ACTR3B: variants seen among roughly 807,000 people sequenced by gnomAD.
ACTR3B encodes actin-related protein 3B.
Under a neutral mutation model 59.0 loss-of-function variants are expected in ACTR3B, and 8 were observed. The observed-to-expected ratio is 0.14, with a 90% CI of 0.08 to 0.24. The LOEUF is 0.24. Among genes scored for constraint, ACTR3B ranks in the 10% least tolerant of loss-of-function variants. ACTR3B has a pLI of 1.00. For synonymous variants in ACTR3B, 148 were observed against 197.9 expected, an observed-to-expected ratio of 0.75 and a Z score of 2.12; for missense variants, 245 against 552.3, an observed-to-expected ratio of 0.44 and a Z score of 5.58.
At chr7:152,788,403 G>A in intron 2 of ACTR3B, among the ~76,000 whole-genome samples, 1 of 147,494 alleles carries the variant, frequency 6.8e-6, no homozygotes, top group East Asian at 2.0e-4. Flanking sequence ...GTGTTCTAAT[G>A]TTCTAAAGTT....
chr7:152,768,173 A>G lies in ACTR3B; in HGVS notation c.44+8247A>G, dbSNP rs571023073. ...GGGAGGCGGAGGTTGCAGTGAGCTG[A>G]GATTGAGCCACTGTACTCCAGCCTG... On this transcript the variant is annotated intron_variant, in intron 1 of 11. Coordinates refer to ENST00000256001, the MANE Select transcript of ACTR3B (RefSeq NM_020445.6). 2.8e-3 allele frequency among the ~76,000 whole-genome samples: 427 copies of G among 152,362 alleles called. 2 individuals carry two copies. The highest frequency in any genetic ancestry group is 9.8e-3 in the African/African-American group (408 of 41,586).
At chr7:152,830,775 G>T (rs933293603) in intron 9 of ACTR3B, among the ~76,000 whole-genome samples, 2 of 152,046 alleles carry the variant, frequency 1.3e-5, no homozygotes, top group African/African-American at 4.8e-5. Context: ...GGTCTTAAAC[G>T]CCTGGCCTCA....
At chr7:152,840,414 C>T (rs1233900020) in intron 9 of ACTR3B, among the ~76,000 whole-genome samples, 14 of 152,318 alleles carry the variant, frequency 9.2e-5, no homozygotes, top group East Asian at 1.9e-4. Context: ...CTCAGACCTG[C>T]GAGCGGCCTG....
intron 2 of ACTR3B, among the ~76,000 whole-genome samples, chr7:152,796,996 G>A (rs2098219620): frequency 6.7e-6 from 1 of 148,726 alleles, no homozygotes; most frequent in African/African-American, 2.5e-5. Context: ...GGGATTACAG[G>A]TGTGAGCCAC....
intron 2 of ACTR3B, among the ~76,000 whole-genome samples, chr7:152,785,546 C>A (rs1409365903): frequency 7.2e-6 from 1 of 137,980 alleles, no homozygotes; most frequent in Non-Finnish European, 1.6e-5. Flanking sequence ...CAAGAGGGGC[C>A]CCAGGAGTCA....
chr7:152,774,099 T>C (rs2098130769), intron 1 of ACTR3B, among the ~76,000 whole-genome samples: 1 of 152,188 alleles, frequency 6.6e-6, no homozygotes, highest in Non-Finnish European at 1.5e-5. Context: ...CCTTTTCTTT[T>C]CTCCACATCC....
In ACTR3B at chr7:152,759,869, C is replaced by G. The variant is rs766161710; in HGVS notation, c.-14C>G. Reference sequence around the variant, plus strand: ...TCGGGCTGCCGGCGGGGCCGAGCGCCGCGCGTCCCGAGCATGGCAGGCTCC... The same window carrying G: ...TCGGGCTGCCGGCGGGGCCGAGCGCGGCGCGTCCCGAGCATGGCAGGCTCC... On this transcript the variant is annotated 5_prime_UTR_variant, in exon 1 of 12. Transcript: ENST00000256001. 33 of 1,318,940 alleles carry G rather than the reference C, an allele frequency of 2.5e-5. No individual in the cohort carries two copies. The highest frequency in any genetic ancestry group is 2.9e-5 in the Non-Finnish European group (30 of 1,025,514). The allele number at this position is 1,318,940 out of a possible 1,614,324, so 81.7% of individuals were successfully genotyped here.
intron 4 of ACTR3B, among the ~76,000 whole-genome samples, chr7:152,802,721 A>AT (rs1027741053): frequency 3.3e-5 from 5 of 151,798 alleles, no homozygotes; most frequent in African/African-American, 7.3e-5. Flanking sequence ...TTAGGTTTGG[A>AT]TTTTTTTTCA....
intron 6 of ACTR3B, among the ~76,000 whole-genome samples, chr7:152,819,611 C>T (rs1795991095): frequency 6.6e-6 from 1 of 152,188 alleles, no homozygotes; most frequent in Non-Finnish European, 1.5e-5. Flanking sequence ...CGGCCCAGGG[C>T]GTGGTCACCC....
chr7:152,772,252 C>T (rs2098125841), intron 1 of ACTR3B, among the ~76,000 whole-genome samples: 1 of 151,020 alleles, frequency 6.6e-6, no homozygotes, highest in South Asian at 2.1e-4. Flanking sequence ...GGCACAGTGG[C>T]TAATGCCTGT....
intron 6 of ACTR3B, among the ~76,000 whole-genome samples, chr7:152,818,456 CT>C (rs11295800): frequency 0.59 from 88,687 of 150,528 alleles, 27,412 homozygotes; most frequent in East Asian, 0.75. Flanking sequence ...AGCTCTTTTT[CT>C]TTTTTTTTTG....
intron 4 of ACTR3B, among the ~76,000 whole-genome samples, chr7:152,803,048 T>C (rs1366566710): frequency 6.6e-6 from 1 of 152,174 alleles, no homozygotes; most frequent in Non-Finnish European, 1.5e-5. Context: ...TGTTTTGCTC[T>C]GTATTTTATT....
chr7:152,822,625 T>C (rs1196564711), intron 7 of ACTR3B, among the ~76,000 whole-genome samples: 1 of 152,226 alleles, frequency 6.6e-6, no homozygotes, highest in African/African-American at 2.4e-5. Flanking sequence ...TGGTTGCTTA[T>C]TGTTTTCTGA....
chr7:152,800,372 T>G (rs1389854838), intron 2 of ACTR3B, among the ~76,000 whole-genome samples, 159 bp from the exon 3 acceptor site: 2 of 152,306 alleles, frequency 1.3e-5, no homozygotes, highest in African/African-American at 4.8e-5. Flanking sequence ...TATTATTTTA[T>G]GTACTCATTG....
chr7:152,821,026 C>T (rs1437183065), intron 7 of ACTR3B, among the ~76,000 whole-genome samples: 1 of 152,104 alleles, frequency 6.6e-6, no homozygotes, highest in Non-Finnish European at 1.5e-5. Context: ...GAGATGATTC[C>T]CGAGGTGTTT....
intron 4 of ACTR3B, among the ~76,000 whole-genome samples, chr7:152,804,986 C>T (rs11760940): frequency 0.53 from 80,130 of 151,912 alleles, 23,018 homozygotes; most frequent in East Asian, 0.72. Context: ...TTAAGGAGCC[C>T]GGGCAGACAT....
At chr7:152,822,517 G>A (rs917329789) in intron 7 of ACTR3B, among the ~76,000 whole-genome samples, 11 of 152,250 alleles carry the variant, frequency 7.2e-5, no homozygotes, top group African/African-American at 2.7e-4. Context: ...CGCAGCAGCA[G>A]CAGCATCCTG....
At chr7:152,760,460 C>T (rs945816138) in intron 1 of ACTR3B, among the ~76,000 whole-genome samples, 9 of 152,216 alleles carry the variant, frequency 5.9e-5, no homozygotes, top group African/African-American at 1.4e-4. Context: ...TCTTTACCAC[C>T]TACTTGTGGA....
intron 4 of ACTR3B, chr7:152,813,357 A>G (rs1314697419): frequency 1.3e-5 from 2 of 150,838 alleles, no homozygotes; most frequent in African/African-American, 4.9e-5. Flanking sequence ...TGTTCATAGT[A>G]TATTGTTGAA....
Sources: allele counts gnomAD v4.1 joint callset (sites outside exome capture counted in the v4.1 genomes callset), GRCh38; gene constraint gnomAD v4.1.1; transcripts MANE v1.5; gene names NCBI Gene and HGNC (gene_info 2026-07-23, HGNC 2026-07-21).